The following BIRC2 variants were observed in gnomAD, a reference collection of about 807,000 sequenced individuals.
BIRC2 encodes the protein baculoviral IAP repeat containing 2.
Under a neutral mutation model 60.9 loss-of-function variants are expected in BIRC2, and 18 were observed. The observed-to-expected ratio is 0.30, with a 90% CI of 0.20 to 0.44. BIRC2 has a LOEUF of 0.44. BIRC2 is among the 20% of genes least tolerant of loss of function. The pLI, the probability that BIRC2 is intolerant of heterozygous loss-of-function variation, is 1.00. For missense variants in BIRC2, 701 were observed against 728.5 expected, an observed-to-expected ratio of 0.96 and a Z score of 0.43; for synonymous variants, 282 against 247.7, an observed-to-expected ratio of 1.14 and a Z score of -1.30.
At chr11:102,356,705 G>C (rs1951426404) in intron 3 of BIRC2, among the ~76,000 whole-genome samples, 1 of 145,514 alleles carries the variant, frequency 6.9e-6, no homozygotes. Context: ...TTGAGATGGA[G>C]TGTTGCTCTG....
intron 3 of BIRC2, among the ~76,000 whole-genome samples, chr11:102,362,015 C>G (rs544584167): frequency 1.2e-4 from 19 of 152,206 alleles, no homozygotes; most frequent in African/African-American, 4.6e-4. Flanking sequence ...TGCGGCTTTT[C>G]ATTTCTTTAA....
At chr11:102,353,686 T>C (rs958432122) in intron 3 of BIRC2, among the ~76,000 whole-genome samples, 11 of 129,226 alleles carry the variant, frequency 8.5e-5, no homozygotes, top group African/African-American at 1.8e-4. Flanking sequence ...TTTCTTTTTT[T>C]TTTTTTTTTT....
chr11:102,373,277 T>A (rs1407000992), intron 6 of BIRC2, among the ~76,000 whole-genome samples: 2 of 152,350 alleles, frequency 1.3e-5, no homozygotes, highest in African/African-American at 4.8e-5. Flanking sequence ...GGTCTTTACA[T>A]TTTGGCATGA....
intron 3 of BIRC2, among the ~76,000 whole-genome samples, chr11:102,356,097 T>C (rs1591534793): frequency 1.3e-5 from 2 of 152,194 alleles, no homozygotes; most frequent in Admixed American, 6.5e-5. Context: ...TTTTTCTTGC[T>C]TAATTGCTCT....
At chr11:102,369,689 A>G (rs1209926244) in intron 6 of BIRC2, among the ~76,000 whole-genome samples, 5 of 148,108 alleles carry the variant, frequency 3.4e-5, no homozygotes, top group African/African-American at 1.3e-4. Context: ...CAGTAATGGG[A>G]TGGCTGGGTC....
chr11:102,375,213 G>A (rs1214816985), intron 6 of BIRC2, among the ~76,000 whole-genome samples: 2 of 152,192 alleles, frequency 1.3e-5, no homozygotes, highest in East Asian at 3.9e-4. Flanking sequence ...AATATTTGTT[G>A]AGCATGAGCA....
At chr11:102,369,888 T>A (rs927781649) in intron 6 of BIRC2, among the ~76,000 whole-genome samples, 1 of 147,912 alleles carries the variant, frequency 6.8e-6, no homozygotes, top group African/African-American at 2.5e-5. Flanking sequence ...CTCATTGTGG[T>A]TTTGATTTGC....
Position 102,351,599 on chromosome 11 carries a change from A to C in BIRC2, c.995+656A>C, listed in dbSNP as rs1479829581. Reference sequence around the variant, plus strand: ...CACTGAACTCCAGCCTGGGTAACAGAGCAAGACTCTGTCTCAAAAAAAAAA... The same window carrying C: ...CACTGAACTCCAGCCTGGGTAACAGCGCAAGACTCTGTCTCAAAAAAAAAA... On this transcript the variant is annotated intron_variant, in intron 3 of 8. Coordinates refer to ENST00000227758, the MANE Select transcript of BIRC2 (RefSeq NM_001166.5). Among the ~76,000 whole-genome samples the C allele has an allele frequency of 2.4e-5, 3 of 125,732 alleles. No individual in the cohort carries two copies. The East Asian group carries it at 7.3e-4, about 31-fold the overall frequency. 82.5% of individuals were successfully genotyped at this position (125,732 alleles called of 152,430 possible).
intron 5 of BIRC2, among the ~76,000 whole-genome samples, chr11:102,365,743 A>AGAGTGTGTGTGTGTGTGTGTGTGTGT (rs1555048601): frequency 1.4e-5 from 2 of 147,568 alleles, no homozygotes; most frequent in African/African-American, 5.0e-5. Flanking sequence ...CATTCAGCTA[A>AGAGTGTGTGTGTGTGTGTGTGTGTGT]GTGTGTGTGT....
At chr11:102,357,286 CCTT>C (rs1395890372) in intron 3 of BIRC2, among the ~76,000 whole-genome samples, 3 of 151,360 alleles carry the variant, frequency 2.0e-5, no homozygotes, top group African/African-American at 7.3e-5. Context: ...CCCTCTTCTT[CCTT>C]CTTCCTCCTC....
intron 1 of BIRC2, chr11:102,347,724 T>C (rs546622640): frequency 6.6e-6 from 1 of 152,408 alleles, no homozygotes; most frequent in Admixed American, 6.5e-5. Context: ...TTTAATGTAA[T>C]ACATTGAAAC....
At chr11:102,367,456 C>G (rs746134726) in intron 5 of BIRC2, among the ~76,000 whole-genome samples, 1 of 152,126 alleles carries the variant, frequency 6.6e-6, no homozygotes, top group Admixed American at 6.5e-5. Flanking sequence ...GGTGCCATTT[C>G]TTCGGACACG....
chr11:102,350,808 AC>A (rs1293613234), intron 2 of BIRC2, 35 bp from the exon 3 acceptor site: 1 of 1,610,554 alleles, frequency 6.2e-7, no homozygotes, highest in Non-Finnish European at 8.5e-7. Context: ...ATTAGAACAT[AC>A]GTGTTTTCAA....
intron 1 of BIRC2, 180 bp from the exon 2 acceptor site, chr11:102,348,418 T>A (rs1951316237): frequency 6.3e-6 from 1 of 159,766 alleles, no homozygotes; most frequent in East Asian, 1.9e-4. Context: ...GTATGTTGCA[T>A]TTACTTATTT....
chr11:102,368,362 C>T lies in BIRC2; in HGVS notation c.1180C>T (p.Pro394Ser). The stretch of plus-strand genomic sequence containing the variant: ...AGAAGATGCTGTCATGATGAATACA[C>T]CTGTGGTTAAATCTGCCTTGGAAAT... The part of the protein sequence containing the change: ...SSEDAVMMNT[P>S]VVKSALEMGF... The change falls in exon 6 of 9, where the codon CCT (proline) becomes TCT (serine). Residue 394 changes from proline (P) to serine (S), a missense_variant. This residue lies in a region of BIRC2 where 235 missense variants were observed against 208.9 expected (regional missense o/e 1.12). Coordinates refer to ENST00000227758, the MANE Select transcript of BIRC2 (RefSeq NM_001166.5). 1 of 1,613,946 alleles carries T rather than the reference C, an allele frequency of 6.2e-7. No individual in the cohort carries two copies. Among genetic ancestry groups the T allele is most frequent in the Non-Finnish European group, 8.5e-7 (1 of 1,179,932 alleles).
At position 102,350,987 on chromosome 11, in the gene BIRC2, T is replaced by C. The variant is rs770716263; in HGVS notation, c.995+44T>C. The C allele has an allele frequency of 1.3e-5, 20 of 1,575,236 alleles. No homozygotes were observed. In the South Asian group the frequency reaches 2.2e-4, roughly 17 times the overall value. On this transcript the variant is annotated intron_variant, in intron 3 of 8. Coordinates refer to ENST00000227758, the MANE Select transcript of BIRC2 (RefSeq NM_001166.5). ...GTATTTGTACAAAAAACTCTGTGCTTAAAAGAAGTAGGCATGCCTACATGA... is the reference window on the plus strand; with the variant it reads ...GTATTTGTACAAAAAACTCTGTGCTCAAAAGAAGTAGGCATGCCTACATGA...
intron 6 of BIRC2, among the ~76,000 whole-genome samples, chr11:102,375,960 ATT>A (rs112788487): frequency 4.3e-4 from 63 of 145,034 alleles, no homozygotes; most frequent in African/African-American, 1.3e-3. Flanking sequence ...TAGCACGTCA[ATT>A]TTTTTTTTTT....
chr11:102,375,006 T>C (rs1436343199), intron 6 of BIRC2, among the ~76,000 whole-genome samples: 2 of 152,222 alleles, frequency 1.3e-5, no homozygotes, highest in Non-Finnish European at 2.9e-5. Flanking sequence ...AGTGTGGCAA[T>C]GCCTTGCCCT....
At chr11:102,375,809 A>T (rs543635858) in intron 6 of BIRC2, among the ~76,000 whole-genome samples, 2 of 151,652 alleles carry the variant, frequency 1.3e-5, no homozygotes, top group African/African-American at 2.4e-5. Flanking sequence ...TTCCAGTTCT[A>T]TCAGTTACTA....
Sources: allele counts gnomAD v4.1 joint callset (sites outside exome capture counted in the v4.1 genomes callset), GRCh38; gene constraint gnomAD v4.1.1; regional missense constraint gnomAD v4.1.1; transcripts MANE v1.5; gene names NCBI Gene and HGNC (gene_info 2026-07-23, HGNC 2026-07-21).